The following CADPS2 variants were observed in gnomAD, a reference collection of about 807,000 sequenced individuals.
CADPS2 encodes calcium dependent secretion activator 2, also known as calcium-dependent secretion activator 2.
In CADPS2, 93 loss-of-function variants were observed where a neutral mutation model predicts 172.5. The ratio of observed to expected loss-of-function variants is 0.54; its 90% CI spans 0.46 to 0.64. CADPS2 has a LOEUF of 0.64. Among genes scored for constraint, CADPS2 ranks in the 30% least tolerant of loss-of-function variants. The pLI is 0.00. For missense variants in CADPS2, 1,420 were observed against 1,565.9 expected (o/e 0.91, Z 1.57); for synonymous variants, 546 against 555.2 (o/e 0.98, Z 0.23).
chr7:122,798,164 T>C (rs1796813279), intron 1 of CADPS2, among the ~76,000 whole-genome samples: 2 of 152,168 alleles, frequency 1.3e-5, no homozygotes, highest in Admixed American at 1.3e-4. Context: ...CAATGAGGTT[T>C]CCCTTTCCTT....
intron 3 of CADPS2, among the ~76,000 whole-genome samples, chr7:122,650,004 G>A (rs976482130): frequency 2.1e-5 from 3 of 139,880 alleles, no homozygotes; most frequent in African/African-American, 8.0e-5. Flanking sequence ...CTGCCTCTTG[G>A]GTTCAGCAAT....
chr7:122,412,330 C>T (rs1467499413), intron 19 of CADPS2, among the ~76,000 whole-genome samples: 1 of 152,114 alleles, frequency 6.6e-6, no homozygotes, highest in East Asian at 1.9e-4. Context: ...CATAACCACA[C>T]TTTAGTATAT....
chr7:122,539,245 T>C (rs2062651826), intron 8 of CADPS2, among the ~76,000 whole-genome samples: 1 of 151,948 alleles, frequency 6.6e-6, no homozygotes, highest in Non-Finnish European at 1.5e-5. Context: ...ATTATGGCAG[T>C]GAGATCCTGA....
At chr7:122,697,900 A>G (rs763630604) in intron 2 of CADPS2, 1 of 1,613,850 alleles carries the variant, frequency 6.2e-7, no homozygotes, top group African/African-American at 1.3e-5. Context: ...TGCAGGAGAA[A>G]CTTCATTATT....
chr7:122,703,027 T>A (rs1031513610), intron 2 of CADPS2: 1 of 367,906 alleles, frequency 2.7e-6, no homozygotes, highest in African/African-American at 2.1e-5. Context: ...CAGAGGTAGT[T>A]AAACCAATCC....
At chr7:122,354,343 G>A (rs1331115518) in intron 27 of CADPS2, 1 of 152,094 alleles carries the variant, frequency 6.6e-6, no homozygotes, top group Non-Finnish European at 1.5e-5. Context: ...AGAAACTGGT[G>A]CCTAAGGTCA....
intron 1 of CADPS2, among the ~76,000 whole-genome samples, chr7:122,801,753 G>T (rs931462201): frequency 6.8e-6 from 1 of 147,830 alleles, no homozygotes; most frequent in Non-Finnish European, 1.5e-5. Flanking sequence ...AAAGCCAAGA[G>T]AATCTTTTTT....
chr7:122,676,780 C>G (rs1277607689), intron 2 of CADPS2: 1 of 991,310 alleles, frequency 1.0e-6, no homozygotes, highest in East Asian at 2.6e-5. Context: ...GACTGTGAAC[C>G]AAACCATCAT....
chr7:122,667,329 T>C (rs897091296), intron 2 of CADPS2, among the ~76,000 whole-genome samples: 1 of 152,178 alleles, frequency 6.6e-6, no homozygotes, highest in African/African-American at 2.4e-5. Flanking sequence ...TGGCAGACAT[T>C]TTGTATTTTC....
intron 22 of CADPS2, among the ~76,000 whole-genome samples, chr7:122,392,365 G>A (rs768731132): frequency 3.3e-5 from 5 of 151,572 alleles, no homozygotes; most frequent in Non-Finnish European, 5.9e-5. Flanking sequence ...AATTTACTGA[G>A]AGCCTAGGAT....
intron 29 of CADPS2, among the ~76,000 whole-genome samples, chr7:122,321,681 T>G (rs2032565469): frequency 1.3e-5 from 2 of 152,026 alleles, no homozygotes; most frequent in Non-Finnish European, 2.9e-5. Flanking sequence ...GGTTTCACTC[T>G]ATCGGCCAGA....
chr7:122,612,187 T>C (rs988480016), intron 6 of CADPS2, among the ~76,000 whole-genome samples: 2 of 151,926 alleles, frequency 1.3e-5, no homozygotes, highest in African/African-American at 2.4e-5. Flanking sequence ...ATAGTCAACA[T>C]TGAACTGGAA....
chr7:122,623,146 C>T lies in CADPS2; in HGVS notation c.868-1429G>A, dbSNP rs1230481645. On this transcript the variant is annotated intron_variant, in intron 4 of 29. Coordinates refer to ENST00000449022, the MANE Select transcript of CADPS2 (RefSeq NM_017954.11). ...TAAATATCCTTTTAAAATTTCTCTA[C>T]AGTTTGAAGCAACATTCCAAAACAG... Among the ~76,000 whole-genome samples, 6 of 149,824 alleles carry T rather than the reference C, an allele frequency of 4.0e-5. No homozygotes were observed. The Admixed American group carries it at 4.1e-4, about 10-fold the overall frequency.
At chr7:122,448,801 A>C (rs187997326) in intron 15 of CADPS2, among the ~76,000 whole-genome samples, 8 of 152,326 alleles carry the variant, frequency 5.3e-5, no homozygotes, top group Non-Finnish European at 1.0e-4. Flanking sequence ...TCTTCTAAGG[A>C]AACTTTTTAT....
At chr7:122,825,681 CT>C (rs536190391) in intron 1 of CADPS2, among the ~76,000 whole-genome samples, 59 of 152,100 alleles carry the variant, frequency 3.9e-4, no homozygotes, top group Admixed American at 1.5e-3. Flanking sequence ...CATTCTTTAA[CT>C]TTTTTTAATT....
chr7:122,557,320 G>C (rs2065155202), intron 7 of CADPS2, among the ~76,000 whole-genome samples: 1 of 152,170 alleles, frequency 6.6e-6, no homozygotes, highest in Admixed American at 6.5e-5. Context: ...GGACAAGGGA[G>C]TTCTTTTCAG....
chr7:122,420,158 C>T (rs534263455), intron 17 of CADPS2, among the ~76,000 whole-genome samples: 19 of 152,096 alleles, frequency 1.2e-4, no homozygotes, highest in Non-Finnish European at 2.1e-4. Context: ...TACTATAATT[C>T]TTTTTCATTT....
At position 122,391,265 on chromosome 7, in the gene CADPS2, T is replaced by A. The variant is rs184365163; in HGVS notation, c.3008+1931A>T. Among the ~76,000 whole-genome samples, 375 of 152,160 alleles carry A rather than the reference T, an allele frequency of 2.5e-3. 7 individuals carry two copies. The highest frequency in any genetic ancestry group is 0.02 in the Admixed American group (305 of 15,258). ...AACACATTTTTAAATTTCCCCAGAA[T>A]GGTGAAAGCACAATCACTTTACTTA... On this transcript the variant is annotated intron_variant, in intron 22 of 29. Coordinates refer to ENST00000449022, the MANE Select transcript of CADPS2 (RefSeq NM_017954.11).
chr7:122,487,461 G>A lies in CADPS2; in HGVS notation c.1852+2620C>T, dbSNP rs574703581. On this transcript the variant is annotated intron_variant, in intron 11 of 29. Coordinates refer to ENST00000449022, the MANE Select transcript of CADPS2 (RefSeq NM_017954.11). The stretch of plus-strand genomic sequence containing the variant: ...CCTCTCAAAACCCAATAAGAAAATA[G>A]CCTAATTACAAATTAGGCAAGGTAT... 3.3e-5 allele frequency among the ~76,000 whole-genome samples: 5 copies of A among 152,196 alleles called. No homozygotes were observed. In the East Asian group the frequency reaches 9.6e-4, roughly 29 times the overall value.
Sources: gnomAD v4.1 joint callset for allele counts (sites outside exome capture counted in the v4.1 genomes callset) on GRCh38, gnomAD v4.1.1 for gene constraint, MANE v1.5 for transcripts, NCBI Gene and HGNC (gene_info 2026-07-23, HGNC 2026-07-21) for gene names.